The following MAP4K3 variants were observed in gnomAD, a reference collection of about 807,000 sequenced individuals.
MAP4K3 encodes MAPK/ERK kinase kinase kinase 3.
A neutral mutation model predicts 143.5 loss-of-function variants in MAP4K3; 94 were observed. The observed-to-expected ratio is 0.65, with a 90% CI of 0.55 to 0.78. The LOEUF (loss-of-function observed/expected upper bound fraction) is 0.78. Among genes scored for constraint, MAP4K3 ranks in the 30% least tolerant of loss-of-function variants. The pLI is 0.00. For synonymous variants in MAP4K3, 416 were observed against 347.2 expected (o/e 1.20, Z -2.20); for missense variants, 1,077 against 1,068.1 (o/e 1.01, Z -0.12).
intron 15 of MAP4K3, among the ~76,000 whole-genome samples, chr2:39,306,419 T>C (rs1682708938): frequency 6.6e-6 from 1 of 152,198 alleles, no homozygotes. Context: ...CATTCCCTCT[T>C]TATTTTGAGA....
At chr2:39,277,125 T>C (rs530415381) in intron 24 of MAP4K3, among the ~76,000 whole-genome samples, 276 of 152,356 alleles carry the variant, frequency 1.8e-3, no homozygotes, top group African/African-American at 6.3e-3. Context: ...CTCACCGTAC[T>C]GCAAACAGAT....
intron 3 of MAP4K3, among the ~76,000 whole-genome samples, chr2:39,344,096 C>A (rs1341848231): frequency 6.6e-6 from 1 of 152,046 alleles, no homozygotes; most frequent in Non-Finnish European, 1.5e-5. Context: ...ACAGAAAATC[C>A]CTGAACTCAG....
At chr2:39,304,051 G>A (rs1055185999) in intron 15 of MAP4K3, among the ~76,000 whole-genome samples, 1 of 151,752 alleles carries the variant, frequency 6.6e-6, no homozygotes, top group African/African-American at 2.4e-5. Flanking sequence ...CTTACAGTGA[G>A]TTTTTGTTTT....
At chr2:39,371,811 C>CTCTA (rs1666087535) in intron 2 of MAP4K3, among the ~76,000 whole-genome samples, 1 of 147,292 alleles carries the variant, frequency 6.8e-6, no homozygotes, top group African/African-American at 2.5e-5. Flanking sequence ...TCCTCTCTCT[C>CTCTA]TATATATATA....
chr2:39,270,569 A>C (rs183878836), intron 26 of MAP4K3, among the ~76,000 whole-genome samples: 1 of 152,354 alleles, frequency 6.6e-6, no homozygotes, highest in East Asian at 1.9e-4. Flanking sequence ...AGATGAGTAT[A>C]TAGGTTCCAG....
At chr2:39,361,790 G>A (rs989210689) in intron 2 of MAP4K3, among the ~76,000 whole-genome samples, 1 of 151,540 alleles carries the variant, frequency 6.6e-6, no homozygotes, top group African/African-American at 2.4e-5. Flanking sequence ...ATGTTAAATA[G>A]CTGTTTGATA....
At chr2:39,313,167 G>T (rs1229940682) in intron 13 of MAP4K3, among the ~76,000 whole-genome samples, 3 of 152,130 alleles carry the variant, frequency 2.0e-5, no homozygotes, top group Admixed American at 1.3e-4. Flanking sequence ...ATAACTGTTG[G>T]TCAATCATCC....
chr2:39,390,878 A>G (rs1666632891), intron 1 of MAP4K3, among the ~76,000 whole-genome samples: 1 of 152,180 alleles, frequency 6.6e-6, no homozygotes, highest in Admixed American at 6.5e-5. Flanking sequence ...TATAAACACG[A>G]TGGGAAAGTC....
In MAP4K3 at chr2:39,309,263, A is replaced by G. The variant is rs147838058; in HGVS notation, c.1056+198T>C. ...CGTAGCCACCCCAGTAGCTAGGACT[A>G]CAAGTACACACTGCCACGTCAACTA... On this transcript the variant is annotated intron_variant, in intron 14 of 33. Transcript: ENST00000263881. Among the ~76,000 whole-genome samples the G allele has an allele frequency of 4.6e-3, 701 of 152,272 alleles. 4 individuals carry two copies. Among genetic ancestry groups the G allele is most frequent in the Middle Eastern group, 0.024 (7 of 294 alleles).
At chr2:39,434,287 CAAAT>C (rs896764289) in intron 1 of MAP4K3, among the ~76,000 whole-genome samples, 3 of 152,066 alleles carry the variant, frequency 2.0e-5, no homozygotes, top group Non-Finnish European at 2.9e-5. Context: ...AACAGCAAAA[CAAAT>C]AACAAAAAAA....
chr2:39,358,468 T>C (rs1465467294), intron 2 of MAP4K3, among the ~76,000 whole-genome samples: 1 of 152,230 alleles, frequency 6.6e-6, no homozygotes, highest in Non-Finnish European at 1.5e-5. Flanking sequence ...TATAATTAAT[T>C]GCCTACATAT....
intron 27 of MAP4K3, among the ~76,000 whole-genome samples, chr2:39,266,738 A>C (rs543927842): frequency 4.6e-5 from 7 of 152,186 alleles, no homozygotes; most frequent in Non-Finnish European, 1.0e-4. Flanking sequence ...GGCTACATGC[A>C]AATAGAACAA....
At chr2:39,309,840 G>A (rs1197913068) in intron 13 of MAP4K3, among the ~76,000 whole-genome samples, 1 of 152,018 alleles carries the variant, frequency 6.6e-6, no homozygotes, top group Non-Finnish European at 1.5e-5. Flanking sequence ...TTACAGGAGT[G>A]AGCCACTGCG....
chr2:39,301,796 G>A (rs956511360), intron 15 of MAP4K3, among the ~76,000 whole-genome samples: 14 of 152,284 alleles, frequency 9.2e-5, no homozygotes, highest in Non-Finnish European at 1.9e-4. Flanking sequence ...GGGCCGAGGC[G>A]GGCGGATCAT....
At chr2:39,361,656 T>C (rs12712636) in intron 2 of MAP4K3, among the ~76,000 whole-genome samples, 119,331 of 151,378 alleles carry the variant, frequency 0.79, 49,497 homozygotes, top group Non-Finnish European at 0.92. Context: ...TTAAACTTGC[T>C]TTTAAAATCT....
At position 39,356,355 on chromosome 2, in the gene MAP4K3, A is replaced by T. The variant is rs370739712; in HGVS notation, c.155-16T>A. On this transcript the variant is annotated splice_polypyrimidine_tract_variant and intron_variant, in intron 2 of 33. Transcript: ENST00000263881. ...AAGTCTTCTCCTGGAATAAAAAACA[A>T]GCATGTTGAATATTTAGAGGTAAGT... 10 of 1,424,746 alleles carry T rather than the reference A, an allele frequency of 7.0e-6. No homozygotes were observed. The highest frequency in any genetic ancestry group is 9.8e-6 in the Non-Finnish European group (10 of 1,020,042). The allele number at this position is 1,424,746 out of a possible 1,614,324, so 88.3% of individuals were successfully genotyped here.
intron 16 of MAP4K3, among the ~76,000 whole-genome samples, chr2:39,298,422 G>A (rs1302894546): frequency 6.6e-6 from 1 of 151,850 alleles, no homozygotes; most frequent in African/African-American, 2.4e-5. Context: ...CTGAAGTTCA[G>A]CTTAAATAAA....
intron 12 of MAP4K3, among the ~76,000 whole-genome samples, chr2:39,321,136 A>C (rs1683286738): frequency 6.6e-6 from 1 of 152,190 alleles, no homozygotes; most frequent in Non-Finnish European, 1.5e-5. Context: ...AAACTCGTGA[A>C]ACAAGCATTA....
rs554087390 is a variant in MAP4K3, at chr2:39,338,530, C to A, written c.311-949G>T. Among the ~76,000 whole-genome samples the A allele has an allele frequency of 2.0e-5, 3 of 152,320 alleles. No homozygotes were observed. In the South Asian group the frequency reaches 6.2e-4, roughly 32 times the overall value. ...CGGACATTTTATAAACTATTTGTATCTCAGAAACTTTACATAAGTGGAATC... is the reference window on the plus strand; with the variant it reads ...CGGACATTTTATAAACTATTTGTATATCAGAAACTTTACATAAGTGGAATC... On this transcript the variant is annotated intron_variant, in intron 4 of 33. Coordinates refer to ENST00000263881, the MANE Select transcript of MAP4K3 (RefSeq NM_003618.4).
Sources: allele counts gnomAD v4.1 joint callset (sites outside exome capture counted in the v4.1 genomes callset), GRCh38; gene constraint gnomAD v4.1.1; transcripts MANE v1.5; gene names NCBI Gene and HGNC (gene_info 2026-07-23, HGNC 2026-07-21).